MYO10: variants seen among roughly 807,000 people sequenced by gnomAD.
MYO10 encodes unconventional myosin-X.
A neutral mutation model predicts 257.3 loss-of-function variants in MYO10; 133 were observed. That is an observed-to-expected ratio of 0.52 (90% confidence interval 0.45 to 0.60). The LOEUF is 0.60. Among genes scored for constraint, MYO10 ranks in the 20% least tolerant of loss-of-function variants. MYO10 has a pLI of 0.00. For synonymous variants in MYO10, 1,104 were observed against 1,028.6 expected (o/e 1.07, Z -1.40); for missense variants, 2,399 against 2,635.7 (o/e 0.91, Z 1.97).
chr5:16,919,583 T>A (rs1745924030), intron 1 of MYO10, among the ~76,000 whole-genome samples: 1 of 152,154 alleles, frequency 6.6e-6, no homozygotes, highest in Admixed American at 6.6e-5. Flanking sequence ...CACTTAGGAC[T>A]ACCAAGCAGA....
intron 9 of MYO10, among the ~76,000 whole-genome samples, chr5:16,773,147 T>C (rs763590563): frequency 3.7e-4 from 56 of 152,300 alleles, no homozygotes; most frequent in Non-Finnish European, 7.8e-4. Flanking sequence ...ATTTCATGCA[T>C]ACAAACAGAA....
intron 9 of MYO10, among the ~76,000 whole-genome samples, chr5:16,772,215 C>G (rs1342352456): frequency 2.0e-5 from 3 of 151,824 alleles, no homozygotes; most frequent in Non-Finnish European, 4.4e-5. Context: ...TCACTACAAC[C>G]TCCGCCTTCC....
chr5:16,803,297 G>A (rs553362381), intron 3 of MYO10, among the ~76,000 whole-genome samples: 2 of 149,768 alleles, frequency 1.3e-5, no homozygotes, highest in Admixed American at 6.7e-5. Context: ...GTATGATGGT[G>A]CACACATGTG....
chr5:16,774,845 G>C (rs1741169418), intron 9 of MYO10, among the ~76,000 whole-genome samples: 1 of 152,144 alleles, frequency 6.6e-6, no homozygotes. Context: ...CAACATGAAA[G>C]TAAAAAGTTG....
chr5:16,670,968 G>T lies in MYO10; in HGVS notation c.5441C>A (p.Ala1814Glu). 1 of 1,608,238 alleles carries T rather than the reference G, an allele frequency of 6.2e-7. No individual in the cohort carries two copies. The highest frequency in any genetic ancestry group is 1.1e-5 in the South Asian group (1 of 90,708). ...GGCTGGATGGTGGCCATGGATAACCGCTTCGTGGGCCTGAAAGGAGACAGT... is the reference window on the plus strand; with the variant it reads ...GGCTGGATGGTGGCCATGGATAACCTCTTCGTGGGCCTGAAAGGAGACAGT... ...FAFMFEQAHEAVIHGHHPAPE... is the reference protein window; with the variant it reads ...FAFMFEQAHEEVIHGHHPAPE... Residue 1814 changes from alanine to glutamate, a missense_variant, in exon 39 of 41, where the codon GCG becomes GAG. Coordinates refer to ENST00000513610, the MANE Select transcript of MYO10 (RefSeq NM_012334.3).
chr5:16,698,591 T>C (rs1737870171), intron 26 of MYO10, among the ~76,000 whole-genome samples: 1 of 151,264 alleles, frequency 6.6e-6, no homozygotes, highest in Non-Finnish European at 1.5e-5. Flanking sequence ...CCTTTTAGGC[T>C]CTCTAATATC....
At chr5:16,858,734 C>T (rs879846434) in intron 2 of MYO10, among the ~76,000 whole-genome samples, 106 of 152,108 alleles carry the variant, frequency 7.0e-4, no homozygotes, top group African/African-American at 2.3e-3. Context: ...CCGAGGTGGG[C>T]GGGTAACGAG....
Position 16,703,176 on chromosome 5 carries a change from C to G in MYO10, c.2277-18G>C, listed in dbSNP as rs1561195427. On this transcript the variant is annotated intron_variant, in intron 22 of 40. Transcript: ENST00000513610. ...ATTGTTTTCTGAAAATGAAAGAAAA[C>G]AAGAGAATCGGCATTGAAGTAATGA... 5.8e-6 allele frequency: 9 copies of G among 1,561,722 alleles called. No homozygotes were observed. The highest frequency in any genetic ancestry group is 7.9e-6 in the Non-Finnish European group (9 of 1,145,912).
At chr5:16,892,185 G>T (rs980748770) in intron 1 of MYO10, among the ~76,000 whole-genome samples, 3 of 152,076 alleles carry the variant, frequency 2.0e-5, no homozygotes. Context: ...AATGGCACTG[G>T]GTGCTCCCCT....
chr5:16,866,014 AAC>A (rs34718010), intron 2 of MYO10, among the ~76,000 whole-genome samples: 64,800 of 136,100 alleles, frequency 0.48, 16,137 homozygotes, highest in Admixed American at 0.61. Flanking sequence ...TATTTACCCA[AAC>A]ACACACACAC....
At chr5:16,746,481 AC>A (rs1379202161) in intron 19 of MYO10, among the ~76,000 whole-genome samples, 1 of 152,174 alleles carries the variant, frequency 6.6e-6, no homozygotes, top group Non-Finnish European at 1.5e-5. Context: ...CCAAGCAGCC[AC>A]CATGCTGCGA....
At chr5:16,748,702 G>C (rs1204074922) in intron 19 of MYO10, among the ~76,000 whole-genome samples, 1 of 152,150 alleles carries the variant, frequency 6.6e-6, no homozygotes, top group African/African-American at 2.4e-5. Context: ...AAATGTGCTA[G>C]ATTCATTAAA....
chr5:16,783,941 C>T (rs79641225), intron 4 of MYO10, among the ~76,000 whole-genome samples: 2,684 of 152,240 alleles, frequency 0.018, 67 homozygotes, highest in African/African-American at 0.061. Flanking sequence ...AATGAACCTG[C>T]GGGTACACAA....
intron 6 of MYO10, 102 bp from the exon 7 acceptor site, chr5:16,780,843 G>T: frequency 8.5e-7 from 1 of 1,182,620 alleles, no homozygotes. Context: ...AATAATTACA[G>T]TTCCCTGTTC....
At position 16,761,374 on chromosome 5, in the gene MYO10, C is replaced by T. The variant is rs577621082; in HGVS notation, c.1739+90G>A. On this transcript the variant is annotated intron_variant, in intron 17 of 40. Coordinates refer to ENST00000513610, the MANE Select transcript of MYO10 (RefSeq NM_012334.3). ...AAACAATACTAAGTTTCTTACATAA[C>T]AGCAATTTGTTCTATATTTGTGAAT... The T allele has an allele frequency of 7.8e-4, 790 of 1,015,636 alleles. 2 individuals are homozygous for T. Among genetic ancestry groups the T allele is most frequent in the Non-Finnish European group, 1.1e-3 (708 of 655,380 alleles). The allele number at this position is 1,015,636 out of a possible 1,614,324, so 62.9% of individuals were successfully genotyped here.
At chr5:16,865,246 G>T (rs1296118279) in intron 2 of MYO10, among the ~76,000 whole-genome samples, 3 of 151,968 alleles carry the variant, frequency 2.0e-5, no homozygotes, top group African/African-American at 7.3e-5. Context: ...TTTACTTTTA[G>T]GGTGGCTGTG....
Position 16,666,514 on chromosome 5 carries a change from C to T in MYO10, c.*178G>A, listed in dbSNP as rs1736174831. On this transcript the variant is annotated 3_prime_UTR_variant, in exon 41 of 41. Coordinates refer to ENST00000513610, the MANE Select transcript of MYO10 (RefSeq NM_012334.3). Reference sequence around the variant, plus strand: ...GACTGTTAAAGTTGACAGCTTAATACAGGATCAATGAAGGCGGCAGGCAAA... The same window carrying T: ...GACTGTTAAAGTTGACAGCTTAATATAGGATCAATGAAGGCGGCAGGCAAA... 6 of 585,110 alleles carry T rather than the reference C, an allele frequency of 1.0e-5. No individual in the cohort carries two copies. The highest frequency in any genetic ancestry group is 3.1e-5 in the Admixed American group (1 of 32,370). The allele number at this position is 585,110 out of a possible 1,614,324, so 36.2% of individuals were successfully genotyped here. A position where few individuals can be genotyped will look rare whatever the true frequency, so the allele number is the denominator to read the frequency against.
chr5:16,812,930 T>A (rs7721792), intron 3 of MYO10, among the ~76,000 whole-genome samples: 4,594 of 120,238 alleles, frequency 0.038, 92 homozygotes, highest in Middle Eastern at 0.065. Flanking sequence ...GCTTTTATTT[T>A]TTTTTTTTTT....
chr5:16,820,522 G>A (rs1009438019), intron 2 of MYO10, among the ~76,000 whole-genome samples: 1 of 152,052 alleles, frequency 6.6e-6, no homozygotes, highest in Non-Finnish European at 1.5e-5. Context: ...TCCTGCCAGC[G>A]CAACTCGAGT....
Sources: gnomAD v4.1 joint callset for allele counts (sites outside exome capture counted in the v4.1 genomes callset) on GRCh38, gnomAD v4.1.1 for gene constraint, MANE v1.5 for transcripts, NCBI Gene and HGNC (gene_info 2026-07-23, HGNC 2026-07-21) for gene names.